SORCS2: variants seen among roughly 807,000 people sequenced by gnomAD.
The protein encoded by SORCS2 is sortilin related VPS10 domain containing receptor 2, also known as VPS10 domain-containing receptor SorCS2.
SORCS2 carries 100 observed loss-of-function variants against 141.6 expected under a neutral mutation model. That is an observed-to-expected ratio of 0.71 (90% CI 0.60 to 0.83). The LOEUF (loss-of-function observed/expected upper bound fraction) is 0.83, where lower values mean the gene tolerates loss of function less well. Ranked by LOEUF, SORCS2 falls within the 40% of genes least tolerant of loss-of-function variation. The probability of loss-of-function intolerance (pLI) is 0.00; values close to 1 mark genes in which losing one functional copy is unlikely to be tolerated. For synonymous variants in SORCS2, 789 were observed against 676.9 expected, an observed-to-expected ratio of 1.17 and a Z score of -2.57; for missense variants, 1,646 against 1,560.2, an observed-to-expected ratio of 1.05 and a Z score of -0.93.
chr4:7,733,067 C>G (rs1443060673), intron 23 of SORCS2, among the ~76,000 whole-genome samples: 1 of 150,162 alleles, frequency 6.7e-6, no homozygotes, highest in African/African-American at 2.5e-5. Flanking sequence ...CCCAGCAGAC[C>G]TTGCTCCCCT....
intron 21 of SORCS2, 40 bp from the exon 22 acceptor site, chr4:7,728,309 TG>T: frequency 6.7e-7 from 1 of 1,497,684 alleles, no homozygotes; most frequent in South Asian, 1.2e-5. Flanking sequence ...AGAGCCAGGC[TG>T]TCCAGAACTG....
intron 1 of SORCS2, among the ~76,000 whole-genome samples, chr4:7,211,309 G>T (rs1275623567): frequency 6.6e-6 from 1 of 152,118 alleles, no homozygotes; most frequent in Admixed American, 6.5e-5. Context: ...AGCCAGGAGG[G>T]AGCGTCCACG....
At chr4:7,257,558 C>G (rs1043561801) in intron 1 of SORCS2, among the ~76,000 whole-genome samples, 2 of 152,184 alleles carry the variant, frequency 1.3e-5, no homozygotes, top group African/African-American at 4.8e-5. Flanking sequence ...CCCCACAGGT[C>G]TCCCAGATGT....
At chr4:7,336,251 G>C (rs535340640) in intron 1 of SORCS2, among the ~76,000 whole-genome samples, 2 of 152,262 alleles carry the variant, frequency 1.3e-5, no homozygotes, top group South Asian at 4.2e-4. Context: ...TCAGGGAGCC[G>C]TCTGCTCTGC....
At chr4:7,287,346 C>T (rs1459451674) in intron 1 of SORCS2, among the ~76,000 whole-genome samples, 6 of 152,196 alleles carry the variant, frequency 3.9e-5, no homozygotes, top group African/African-American at 9.7e-5. Context: ...TGGGTCCTCC[C>T]GTCTGGGTGC....
At chr4:7,228,895 G>C (rs1157533419) in intron 1 of SORCS2, among the ~76,000 whole-genome samples, 1 of 152,228 alleles carries the variant, frequency 6.6e-6, no homozygotes, top group Admixed American at 6.5e-5. Context: ...GGTGCCCCCT[G>C]GATGGACTGC....
At chr4:7,633,172 G>T (rs1311026995) in intron 3 of SORCS2, among the ~76,000 whole-genome samples, 1 of 152,142 alleles carries the variant, frequency 6.6e-6, no homozygotes, top group African/African-American at 2.4e-5. Context: ...GGGGTGTCTT[G>T]GTCCCACTGT....
rs762988035 is a variant in SORCS2, at chr4:7,726,866, C to G, written c.2832C>G (p.Asn944Lys). ...TGACGGTGCAGGCCGCCTGTGGGAA[C>G]TCGGTGCTGCAGGACTCCAGGGTCC... ...VRVTVQAACG[N>K]SVLQDSRVLR... is the part of the protein sequence containing the mutation. The change falls in exon 21 of 27, where the codon AAC (asparagine) becomes AAG (lysine). Residue 944 changes from asparagine (N) to lysine (K), a missense_variant. By Grantham distance (94) the Asn-to-Lys change is moderately conservative. Coordinates refer to ENST00000507866, the MANE Select transcript of SORCS2 (RefSeq NM_020777.3). 63 of 1,613,680 alleles carry G rather than the reference C, an allele frequency of 3.9e-5. No individual in the cohort carries two copies. The highest frequency in any genetic ancestry group is 4.7e-5 in the Non-Finnish European group (55 of 1,179,824).
Position 7,712,841 on chromosome 4 carries a change from C to T in SORCS2, c.1977C>T (p.Leu659=). The T allele has an allele frequency of 6.2e-7, 1 of 1,613,860 alleles. No homozygotes were observed. Among genetic ancestry groups the T allele is most frequent in the South Asian group, 1.1e-5 (1 of 91,076 alleles). The change falls in exon 15 of 27, where the codon CTC becomes CTT. Residue 659 remains leucine (L), a synonymous_variant. Transcript: ENST00000507866. ...AGGAGGACTACAGCTCCTGGGAGCT[C>T]TCCAACCTGCAGGTGGGCCGGCATG... ...CGEEDYSSWE[L]SNLQGDRCIM...
At chr4:7,324,284 G>T (rs1719096643) in intron 1 of SORCS2, among the ~76,000 whole-genome samples, 1 of 152,256 alleles carries the variant, frequency 6.6e-6, no homozygotes, top group Admixed American at 6.5e-5. Flanking sequence ...TGGTGAGGCA[G>T]GTGGCTGCAG....
intron 3 of SORCS2, among the ~76,000 whole-genome samples, chr4:7,626,108 C>T (rs1301296927): frequency 1.3e-5 from 2 of 152,062 alleles, no homozygotes; most frequent in Non-Finnish European, 2.9e-5. Flanking sequence ...GATCACACCA[C>T]TGCACTCCAG....
chr4:7,387,875 C>T (rs144370711), intron 1 of SORCS2, among the ~76,000 whole-genome samples: 1 of 8,890 alleles, frequency 1.1e-4, no homozygotes. Flanking sequence ...CAGAGATACA[C>T]ACAGATGCAC....
intron 18 of SORCS2, among the ~76,000 whole-genome samples, chr4:7,721,182 G>T (rs1165515747): frequency 6.6e-6 from 1 of 152,214 alleles, no homozygotes; most frequent in Non-Finnish European, 1.5e-5. Context: ...ACCTGCAGCA[G>T]GGCCCAGCAC....
chr4:7,602,444 C>T lies in SORCS2; in HGVS notation c.649-35884C>T, dbSNP rs1403923162. ...ACTCCTCAGTTCCCAGACAGGGTCG[C>T]GGCCAGGCAGAGGCGCTCCTCACAT... On this transcript the variant is annotated intron_variant, in intron 3 of 26. Coordinates refer to ENST00000507866, the MANE Select transcript of SORCS2 (RefSeq NM_020777.3). Among the ~76,000 whole-genome samples the T allele has an allele frequency of 7.3e-5, 11 of 150,170 alleles. No homozygotes were observed. The South Asian group carries it at 1.1e-3, about 15-fold the overall frequency.
chr4:7,696,907 A>G (rs1724747632), intron 11 of SORCS2, among the ~76,000 whole-genome samples: 1 of 152,136 alleles, frequency 6.6e-6, no homozygotes, highest in Admixed American at 6.5e-5. Context: ...GCCACACTCC[A>G]TGCTTCTTAT....
chr4:7,380,856 C>A (rs939290646), intron 1 of SORCS2, among the ~76,000 whole-genome samples: 3 of 152,152 alleles, frequency 2.0e-5, no homozygotes, highest in Non-Finnish European at 4.4e-5. Flanking sequence ...GAGGCCAAGG[C>A]GGGCAGATCA....
intron 1 of SORCS2, among the ~76,000 whole-genome samples, chr4:7,224,245 T>C (rs990745402): frequency 6.6e-6 from 1 of 152,186 alleles, no homozygotes; most frequent in Non-Finnish European, 1.5e-5. Context: ...GGAAGGAAGG[T>C]CTGACAACAT....
In SORCS2 at chr4:7,715,730, G is replaced by A. The variant is rs1726145667; in HGVS notation, c.2252+419G>A. Reference sequence around the variant, plus strand: ...TGCTAGGACCCTTCTCCATTTACCGGTGCCCAGTAAGCCAGGCTCTCCCCA... The same window carrying A: ...TGCTAGGACCCTTCTCCATTTACCGATGCCCAGTAAGCCAGGCTCTCCCCA... On this transcript the variant is annotated intron_variant, in intron 17 of 26. Coordinates refer to ENST00000507866, the MANE Select transcript of SORCS2 (RefSeq NM_020777.3). Among the ~76,000 whole-genome samples the A allele has an allele frequency of 5.9e-5, 9 of 152,268 alleles. No homozygotes were observed. In the South Asian group the frequency reaches 1.9e-3, roughly 32 times the overall value.
intron 18 of SORCS2, among the ~76,000 whole-genome samples, chr4:7,718,637 G>T (rs1726363854): frequency 1.3e-5 from 2 of 152,224 alleles, no homozygotes; most frequent in African/African-American, 2.4e-5. Context: ...AATAAATCCT[G>T]TGTGTGCATG....
Sources: gnomAD v4.1 joint callset for allele counts (sites outside exome capture counted in the v4.1 genomes callset) on GRCh38, gnomAD v4.1.1 for gene constraint, MANE v1.5 for transcripts, NCBI Gene and HGNC (gene_info 2026-07-23, HGNC 2026-07-21) for gene names.